Variants in PREX1 observed in about 807,000 individuals in gnomAD.
The protein encoded by PREX1 is phosphatidylinositol-3,4,5-trisphosphate dependent Rac exchange factor 1, also known as phosphatidylinositol 3,4,5-trisphosphate-dependent Rac exchanger 1 protein.
Under a neutral mutation model 198.3 loss-of-function variants are expected in PREX1, and 41 were observed. That is an observed-to-expected ratio of 0.21 (90% CI 0.16 to 0.27). The LOEUF is 0.27. Among genes scored for constraint, PREX1 ranks in the 10% least tolerant of loss-of-function variants. The pLI is 1.00. For missense variants in PREX1, 1,620 were observed against 2,200.7 expected (o/e 0.74, Z 5.28); for synonymous variants, 843 against 887.2 (o/e 0.95, Z 0.89).
chr20:48,628,685 T>C (rs570804033), intron 37 of PREX1, among the ~76,000 whole-genome samples: 1 of 152,114 alleles, frequency 6.6e-6, no homozygotes, highest in Non-Finnish European at 1.5e-5. Context: ...CTAGGTGAGA[T>C]CCCCTAAAAT....
intron 13 of PREX1, 144 bp downstream of exon 13, chr20:48,679,216 T>C: frequency 1.4e-6 from 1 of 711,958 alleles, no homozygotes; most frequent in East Asian, 2.5e-5. Flanking sequence ...TTAATCCTAA[T>C]GACAAATCTA....
chr20:48,801,781 G>GCCTCTCAACAC (rs1208917397), intron 1 of PREX1, among the ~76,000 whole-genome samples: 1 of 152,198 alleles, frequency 6.6e-6, no homozygotes, highest in Admixed American at 6.5e-5. Flanking sequence ...AGGCAGGGTC[G>GCCTCTCAACAC]CATGGGAGGT....
chr20:48,634,656 G>A lies in PREX1; in HGVS notation c.4267+20C>T, dbSNP rs749105891. 1 of 1,610,102 alleles carries A rather than the reference G, an allele frequency of 6.2e-7. No individual in the cohort carries two copies. The highest frequency in any genetic ancestry group is 8.5e-7 in the Non-Finnish European group (1 of 1,176,476). ...CCAGGACCCCACCTCTCACAGTGGG[G>A]GATGGGAGAAATCACTCACTGGCCA... On this transcript the variant is annotated intron_variant, in intron 33 of 39. Coordinates refer to ENST00000371941, the MANE Select transcript of PREX1 (RefSeq NM_020820.4).
chr20:48,812,283 CATAAGAGGAATGGGTAAATAAT>C (rs2090439664), intron 1 of PREX1, among the ~76,000 whole-genome samples: 2 of 144,598 alleles, frequency 1.4e-5, no homozygotes, highest in Non-Finnish European at 3.0e-5. Context: ...GGGTAAATAA[CATAAGAGGAATGGGTAAATAAT>C]ATAAGAGGAA....
intron 1 of PREX1, among the ~76,000 whole-genome samples, chr20:48,825,808 T>C (rs115626405): frequency 0.013 from 1,933 of 151,894 alleles, 36 homozygotes; most frequent in African/African-American, 0.044. Flanking sequence ...CAGGGTTGTC[T>C]ACATGTTTAA....
chr20:48,635,243 A>G (rs1568792599), intron 32 of PREX1, among the ~76,000 whole-genome samples: 1 of 152,056 alleles, frequency 6.6e-6, no homozygotes, highest in Non-Finnish European at 1.5e-5. Context: ...ATGGGGTGAC[A>G]CTAAAACATC....
the PREX1 span, among the ~76,000 whole-genome samples, chr20:48,886,364 T>G: frequency 6.6e-6 from 1 of 152,138 alleles, no homozygotes; most frequent in Non-Finnish European, 1.5e-5. Context: ...CTCACTTCCT[T>G]CTCCTGGCAG....
chr20:48,637,536 C>A (rs1043940377), intron 31 of PREX1, among the ~76,000 whole-genome samples, 175 bp downstream of exon 31: 7 of 152,256 alleles, frequency 4.6e-5, no homozygotes, highest in Non-Finnish European at 8.8e-5. Flanking sequence ...GGCTCCAGTG[C>A]CCTGAGACTT....
chr20:48,691,006 G>A lies in PREX1; in HGVS notation c.1127C>T (p.Thr376Met), dbSNP rs769075228. 9 of 1,614,224 alleles carry A rather than the reference G, an allele frequency of 5.6e-6. No individual in the cohort carries two copies. The highest frequency in any genetic ancestry group is 1.7e-5 in the Admixed American group (1 of 60,030). Residue 376 changes from threonine (T) to methionine (M), a missense_variant, in exon 9 of 40, where the codon ACG (threonine) becomes ATG (methionine). Coordinates refer to ENST00000371941, the MANE Select transcript of PREX1 (RefSeq NM_020820.4). This position sits in a 1 kb window ranked among gnomAD's most constrained non-coding sequence, Gnocchi z 5.0. The part of the protein sequence containing the change: ...KNKWFVCMAK[T>M]AEEKQKWLDA... ...CAGCCACTTCTGCTTCTCCTCTGCCGTCTTGGCCATGCAGACAAACCACTT... is the reference window on the plus strand; with the variant it reads ...CAGCCACTTCTGCTTCTCCTCTGCCATCTTGGCCATGCAGACAAACCACTT...
chr20:48,748,055 G>A (rs1328087861), intron 1 of PREX1, among the ~76,000 whole-genome samples, 175 bp from the exon 2 acceptor site: 1 of 152,082 alleles, frequency 6.6e-6, no homozygotes, highest in Non-Finnish European at 1.5e-5. Flanking sequence ...AAACACACTG[G>A]AGCAGCCCTC....
At chr20:48,814,990 T>C (rs1315597799) in intron 1 of PREX1, among the ~76,000 whole-genome samples, 1 of 152,146 alleles carries the variant, frequency 6.6e-6, no homozygotes, top group African/African-American at 2.4e-5. Context: ...AACATGGCTA[T>C]AGCAATATCA....
chr20:48,849,187 C>A, the PREX1 span, among the ~76,000 whole-genome samples: 2 of 152,054 alleles, frequency 1.3e-5, no homozygotes, highest in Non-Finnish European at 2.9e-5. Flanking sequence ...CCATTTCCAC[C>A]ATGTAGCTTA....
chr20:48,627,251 G>A lies in PREX1; in HGVS notation c.4937+297C>T, dbSNP rs551902341. ...GCATGGGACACAGGGTGGAGGGCACGGGGCGGGGGCTCAGGGCTGAGAGGG... is the reference window on the plus strand; with the variant it reads ...GCATGGGACACAGGGTGGAGGGCACAGGGCGGGGGCTCAGGGCTGAGAGGG... On this transcript the variant is annotated intron_variant, in intron 39 of 39. Coordinates refer to ENST00000371941, the MANE Select transcript of PREX1 (RefSeq NM_020820.4). Among the ~76,000 whole-genome samples the A allele has an allele frequency of 1.6e-4, 24 of 151,970 alleles. No homozygotes were observed. In the South Asian group the frequency reaches 4.4e-3, roughly 28 times the overall value.
intron 29 of PREX1, among the ~76,000 whole-genome samples, chr20:48,641,734 G>A (rs890589900): frequency 6.6e-6 from 1 of 151,850 alleles, no homozygotes; most frequent in Admixed American, 6.6e-5. Flanking sequence ...CAAGGCTGCA[G>A]TGAGCTGTGA....
At chr20:48,667,269 C>G (rs138732483) in intron 14 of PREX1, among the ~76,000 whole-genome samples, 1 of 152,338 alleles carries the variant, frequency 6.6e-6, no homozygotes, top group East Asian at 1.9e-4. Context: ...TTCTCTCATG[C>G]TACAGAAACA....
At chr20:48,704,264 G>A (rs77378435) in intron 6 of PREX1, among the ~76,000 whole-genome samples, 4 of 152,282 alleles carry the variant, frequency 2.6e-5, no homozygotes, top group East Asian at 3.9e-4. Context: ...GCCGCTCTTC[G>A]AAGACAACCT....
At position 48,624,982 on chromosome 20, in the gene PREX1, C is replaced by A. The variant is rs2089259156; in HGVS notation, c.*903G>T. ...TCACAGTCGATACCTCAAAACGACACCTTACAACCCTAATATTAACAAACA... is the reference window on the plus strand; with the variant it reads ...TCACAGTCGATACCTCAAAACGACAACTTACAACCCTAATATTAACAAACA... On this transcript the variant is annotated 3_prime_UTR_variant, in exon 40 of 40. Coordinates refer to ENST00000371941, the MANE Select transcript of PREX1 (RefSeq NM_020820.4). 1 of 152,436 alleles carries A rather than the reference C, an allele frequency of 6.6e-6. No homozygotes were observed. Among genetic ancestry groups the A allele is most frequent in the African/African-American group, 2.4e-5 (1 of 41,420 alleles). The allele number at this position is 152,436 out of a possible 1,614,324, so 9.4% of individuals were successfully genotyped here.
At chr20:48,682,213 C>G (rs2089755881) in intron 10 of PREX1, among the ~76,000 whole-genome samples, 1 of 152,182 alleles carries the variant, frequency 6.6e-6, no homozygotes, top group Non-Finnish European at 1.5e-5. Flanking sequence ...TTCCTTCTGC[C>G]TGGAATGCCC....
chr20:48,637,987 C>CCCCA (rs1240851933), intron 30 of PREX1, among the ~76,000 whole-genome samples: 1 of 152,206 alleles, frequency 6.6e-6, no homozygotes, highest in East Asian at 1.9e-4. Context: ...ACGTGCAAGC[C>CCCCA]TGGGACACAG....
Sources: gnomAD v4.1 joint callset for allele counts (sites outside exome capture counted in the v4.1 genomes callset) on GRCh38, gnomAD v4.1.1 for gene constraint, Gnocchi (gnomAD v3.1) non-coding constraint, MANE v1.5 for transcripts, NCBI Gene and HGNC (gene_info 2026-07-23, HGNC 2026-07-21) for gene names.